The following RAB3C variants were observed in gnomAD, a reference collection of about 807,000 sequenced individuals.
RAB3C encodes the protein ras-related protein Rab-3C.
A neutral mutation model predicts 26.4 loss-of-function variants in RAB3C; 17 were observed. The observed-to-expected ratio is 0.64, with a 90% CI of 0.44 to 0.97. The LOEUF (loss-of-function observed/expected upper bound fraction) is 0.97. Among genes scored for constraint, RAB3C ranks in the 50% least tolerant of loss-of-function variants. The probability of loss-of-function intolerance (pLI) is 0.00; values close to 1 mark genes in which losing one functional copy is unlikely to be tolerated. For missense variants in RAB3C, 242 were observed against 281.9 expected (o/e 0.86, Z 1.01); for synonymous variants, 91 against 95.9 (o/e 0.95, Z 0.30).
chr5:58,588,098 A>G (rs1233286591), intron 1 of RAB3C, among the ~76,000 whole-genome samples: 2 of 152,168 alleles, frequency 1.3e-5, no homozygotes, highest in Admixed American at 6.6e-5. Flanking sequence ...TTTAAAATTC[A>G]TTATCCTGTT....
Position 58,857,963 on chromosome 5 carries a change from C to T in RAB3C, c.*6612C>T, listed in dbSNP as rs1744300333. The T allele has an allele frequency of 6.6e-6, 1 of 152,160 alleles. No individual in the cohort carries two copies. The highest frequency in any genetic ancestry group is 1.5e-5 in the Non-Finnish European group (1 of 68,032). The allele number at this position is 152,160 out of a possible 1,614,324, so 9.4% of individuals were successfully genotyped here. On this transcript the variant is annotated 3_prime_UTR_variant, in exon 5 of 5. Coordinates refer to ENST00000282878, the MANE Select transcript of RAB3C (RefSeq NM_138453.4). ...CCTACTTGCCATTTCTAAGGCAAAGCATTCATTTTAATATTGTACTTTGCC... is the reference window on the plus strand; with the variant it reads ...CCTACTTGCCATTTCTAAGGCAAAGTATTCATTTTAATATTGTACTTTGCC...
chr5:58,821,796 C>T (rs1310892521), intron 3 of RAB3C, among the ~76,000 whole-genome samples: 1 of 152,152 alleles, frequency 6.6e-6, no homozygotes, highest in East Asian at 1.9e-4. Flanking sequence ...TCACTCTTTC[C>T]TTTCTTCTCA....
intron 3 of RAB3C, among the ~76,000 whole-genome samples, chr5:58,816,851 C>G (rs1055608856): frequency 1.3e-5 from 2 of 152,144 alleles, no homozygotes; most frequent in Non-Finnish European, 2.9e-5. Flanking sequence ...AAAGGTAAGC[C>G]AAGGCCCTAT....
At chr5:58,739,572 A>C (rs377572845) in intron 3 of RAB3C, among the ~76,000 whole-genome samples, 2 of 152,344 alleles carry the variant, frequency 1.3e-5, no homozygotes, top group Admixed American at 1.3e-4. Context: ...AAAAAACAGC[A>C]CAACATTAGA....
chr5:58,676,189 C>T (rs949318116), intron 2 of RAB3C, among the ~76,000 whole-genome samples: 3 of 152,146 alleles, frequency 2.0e-5, no homozygotes, highest in African/African-American at 7.2e-5. Flanking sequence ...ATTCAGACAA[C>T]CTTCTCTCTA....
intron 2 of RAB3C, among the ~76,000 whole-genome samples, chr5:58,659,171 G>C (rs578176214): frequency 9.8e-5 from 15 of 152,294 alleles, no homozygotes; most frequent in African/African-American, 3.6e-4. Context: ...CAATACTGCT[G>C]TTTGAGATAT....
intron 2 of RAB3C, among the ~76,000 whole-genome samples, chr5:58,629,503 A>G (rs1482924447): frequency 6.6e-6 from 1 of 152,226 alleles, no homozygotes; most frequent in Non-Finnish European, 1.5e-5. Context: ...CTAAATAATG[A>G]CATAGAAACA....
At chr5:58,778,258 A>G (rs930151600) in intron 3 of RAB3C, among the ~76,000 whole-genome samples, 14 of 152,126 alleles carry the variant, frequency 9.2e-5, no homozygotes, top group South Asian at 6.2e-4. Flanking sequence ...TGAAGATTAT[A>G]TAGAATCTTA....
At chr5:58,737,418 T>C (rs1331401498) in intron 3 of RAB3C, among the ~76,000 whole-genome samples, 1 of 91,826 alleles carries the variant, frequency 1.1e-5, no homozygotes, top group African/African-American at 5.3e-5. Flanking sequence ...TATATATATA[T>C]ATATATATAT....
chr5:58,657,812 CT>C (rs144003213), intron 2 of RAB3C, among the ~76,000 whole-genome samples: 3,522 of 152,276 alleles, frequency 0.023, 76 homozygotes, highest in Admixed American at 0.059. Context: ...TTTATCCCCC[CT>C]AAAACTGCTG....
chr5:58,650,420 A>G (rs1747619811), intron 2 of RAB3C, among the ~76,000 whole-genome samples: 1 of 152,218 alleles, frequency 6.6e-6, no homozygotes, highest in African/African-American at 2.4e-5. Context: ...GCAGTCAAGA[A>G]ACTTGAAAAG....
intron 2 of RAB3C, among the ~76,000 whole-genome samples, chr5:58,632,270 T>G (rs941677522): frequency 1.1e-4 from 17 of 152,204 alleles, no homozygotes; most frequent in Admixed American, 3.3e-4. Flanking sequence ...GTCAATAATT[T>G]TAACATAGGA....
intron 2 of RAB3C, among the ~76,000 whole-genome samples, chr5:58,662,909 A>G (rs1453758186): frequency 6.7e-6 from 1 of 150,310 alleles, no homozygotes; most frequent in Non-Finnish European, 1.5e-5. Context: ...GTATGTAAAA[A>G]TGGATGTCTT....
intron 2 of RAB3C, among the ~76,000 whole-genome samples, chr5:58,638,895 A>G (rs532368526): frequency 2.1e-4 from 32 of 152,266 alleles, no homozygotes; most frequent in South Asian, 2.1e-4. Context: ...GTTAGCCCCA[A>G]TGGCAGCGTG....
intron 3 of RAB3C, among the ~76,000 whole-genome samples, chr5:58,783,216 A>G (rs1364229086): frequency 1.3e-5 from 2 of 152,176 alleles, no homozygotes; most frequent in African/African-American, 4.8e-5. Flanking sequence ...TCATAAAGAA[A>G]ATGCCCCATG....
chr5:58,780,869 A>T (rs1007431165), intron 3 of RAB3C, among the ~76,000 whole-genome samples: 2 of 151,870 alleles, frequency 1.3e-5, no homozygotes, highest in Non-Finnish European at 2.9e-5. Context: ...TAAATATATC[A>T]TAGTAGTCAC....
At chr5:58,837,672 C>T (rs1743782122) in intron 4 of RAB3C, among the ~76,000 whole-genome samples, 4 of 150,244 alleles carry the variant, frequency 2.7e-5, no homozygotes. Context: ...GATTCTTCTG[C>T]CTTAGCCTCC....
chr5:58,660,796 T>A (rs1198678300), intron 2 of RAB3C, among the ~76,000 whole-genome samples: 1 of 150,240 alleles, frequency 6.7e-6, no homozygotes. Context: ...ATTCCTTTAT[T>A]TTAATCATAA....
At chr5:58,804,056 T>C (rs1035545259) in intron 3 of RAB3C, among the ~76,000 whole-genome samples, 2 of 56,822 alleles carry the variant, frequency 3.5e-5, no homozygotes, top group Non-Finnish European at 7.2e-5. Context: ...CGAGACTCTA[T>C]CTTAAAAAAA....
Sources: allele counts gnomAD v4.1 joint callset (sites outside exome capture counted in the v4.1 genomes callset), GRCh38; gene constraint gnomAD v4.1.1; transcripts MANE v1.5; gene names NCBI Gene and HGNC (gene_info 2026-07-23, HGNC 2026-07-21).